Variants in TPRG1 observed in about 807,000 individuals in gnomAD.
TPRG1 encodes the protein tumor protein p63-regulated gene 1 protein.
In TPRG1, 29 loss-of-function variants were observed where a neutral mutation model predicts 29.3. That is an observed-to-expected ratio of 0.99 (90% CI 0.74 to 1.35). The LOEUF (loss-of-function observed/expected upper bound fraction) is 1.35, where lower values mean the gene tolerates loss of function less well. Ranked by LOEUF, TPRG1 falls within the 40% of genes most tolerant of loss-of-function variation. The pLI is 0.00. For missense variants in TPRG1, 327 were observed against 335.0 expected, an observed-to-expected ratio of 0.98 and a Z score of 0.19; for synonymous variants, 130 against 116.8, an observed-to-expected ratio of 1.11 and a Z score of -0.73.
intron 4 of TPRG1, among the ~76,000 whole-genome samples, chr3:189,039,211 G>A (rs1714476600): frequency 6.6e-6 from 1 of 152,222 alleles, no homozygotes; most frequent in Admixed American, 6.5e-5. Flanking sequence ...TGTTCAGAAA[G>A]AAATGGAGCA....
chr3:189,292,515 C>T (rs78985966), intron 4 of TPRG1, among the ~76,000 whole-genome samples: 13,475 of 151,998 alleles, frequency 0.089, 898 homozygotes, highest in African/African-American at 0.19. Flanking sequence ...TAACACACAG[C>T]TAATAGGGCT....
chr3:189,150,076 A>G (rs1300329853), intron 4 of TPRG1, among the ~76,000 whole-genome samples: 2 of 152,230 alleles, frequency 1.3e-5, no homozygotes, highest in Admixed American at 1.3e-4. Flanking sequence ...ATAACTAATG[A>G]GTTGGGGCTG....
intron 1 of TPRG1, among the ~76,000 whole-genome samples, chr3:188,999,697 T>TA (rs1711939590): frequency 6.6e-6 from 1 of 152,130 alleles, no homozygotes; most frequent in Non-Finnish European, 1.5e-5. Flanking sequence ...TTATATTTAT[T>TA]ACTTTTTTTA....
At chr3:189,301,503 A>C (rs1398906213) in intron 4 of TPRG1, among the ~76,000 whole-genome samples, 1 of 152,200 alleles carries the variant, frequency 6.6e-6, no homozygotes, top group Non-Finnish European at 1.5e-5. Flanking sequence ...CCTGCTACTC[A>C]GTGAAGTGGC....
intron 4 of TPRG1, among the ~76,000 whole-genome samples, chr3:189,026,326 T>C (rs1381108603): frequency 6.6e-6 from 1 of 152,160 alleles, no homozygotes; most frequent in African/African-American, 2.4e-5. Context: ...TATAAGGACA[T>C]CAGTCCTATC....
chr3:189,090,312 G>A (rs55946918), intron 4 of TPRG1, among the ~76,000 whole-genome samples: 14,085 of 152,018 alleles, frequency 0.093, 835 homozygotes, highest in African/African-American at 0.17. Flanking sequence ...AATGTTTGTC[G>A]TTAATTTCTA....
intron 2 of TPRG1, among the ~76,000 whole-genome samples, chr3:189,001,811 A>G (rs1712036084): frequency 6.6e-6 from 1 of 152,180 alleles, no homozygotes; most frequent in Non-Finnish European, 1.5e-5. Context: ...CCATGACTCA[A>G]GATAAGATGA....
In TPRG1 at chr3:189,238,875, G is replaced by A. The variant is rs1471459400; in HGVS notation, c.445G>A (p.Gly149Ser). The part of the protein sequence containing the change: ...PLSAVYRICL[G>S]KFTFPGMSLD... ...GAGCGCTGTCTATCGCATCTGCCTGGGCAAGTTCACCTTCCCTGGGATGTC... is the reference window on the plus strand; with the variant it reads ...GAGCGCTGTCTATCGCATCTGCCTGAGCAAGTTCACCTTCCCTGGGATGTC... The change falls in exon 4 of 6, where the codon GGC becomes AGC. Residue 149 changes from glycine (G) to serine (S), a missense_variant. Coordinates refer to ENST00000345063, the MANE Select transcript of TPRG1 (RefSeq NM_198485.4). The A allele has an allele frequency of 1.9e-6, 3 of 1,613,218 alleles. No homozygotes were observed. In the South Asian group the frequency reaches 3.3e-5, roughly 18 times the overall value.
At chr3:189,065,634 T>C (rs967565318) in intron 4 of TPRG1, among the ~76,000 whole-genome samples, 52 of 151,890 alleles carry the variant, frequency 3.4e-4, no homozygotes, top group Non-Finnish European at 1.5e-5. Context: ...GATAAAAACA[T>C]TTAGCAAGTT....
intron 2 of TPRG1, among the ~76,000 whole-genome samples, chr3:189,128,971 A>T (rs1181282434): frequency 6.6e-6 from 1 of 152,144 alleles, no homozygotes; most frequent in East Asian, 1.9e-4. Flanking sequence ...ATTTTGAGAT[A>T]ATTTTAGACT....
At chr3:189,079,721 C>A (rs1717457627) in intron 4 of TPRG1, among the ~76,000 whole-genome samples, 1 of 152,198 alleles carries the variant, frequency 6.6e-6, no homozygotes, top group African/African-American at 2.4e-5. Flanking sequence ...CATGCAATTA[C>A]TACAGTGAAA....
At chr3:189,068,512 C>G (rs1339180836) in intron 4 of TPRG1, among the ~76,000 whole-genome samples, 1 of 152,208 alleles carries the variant, frequency 6.6e-6, no homozygotes, top group African/African-American at 2.4e-5. Flanking sequence ...CGCAGTGGCT[C>G]ACGCCTGTAA....
intron 2 of TPRG1, among the ~76,000 whole-genome samples, chr3:189,210,746 G>A (rs544648918): frequency 5.8e-4 from 89 of 152,280 alleles, no homozygotes; most frequent in East Asian, 1.9e-4. Context: ...TCAATGTCAC[G>A]GTAGATAGTG....
chr3:189,312,872 A>G (rs983565502), intron 5 of TPRG1, among the ~76,000 whole-genome samples: 2 of 152,180 alleles, frequency 1.3e-5, no homozygotes, highest in Non-Finnish European at 2.9e-5. Context: ...ATTGATGTTC[A>G]TGTAGCTCTT....
intron 1 of TPRG1, among the ~76,000 whole-genome samples, chr3:188,997,598 T>C (rs1333159983): frequency 1.3e-4 from 20 of 152,172 alleles, no homozygotes; most frequent in Non-Finnish European, 1.0e-4. Flanking sequence ...TAGTTCTAGA[T>C]AAACTGAGAT....
chr3:189,075,144 A>AT (rs1295843058), intron 4 of TPRG1, among the ~76,000 whole-genome samples: 1 of 136,256 alleles, frequency 7.3e-6, no homozygotes, highest in Admixed American at 7.4e-5. Flanking sequence ...TATTTTTTTT[A>AT]TTTTTTGAGA....
chr3:189,310,328 A>G (rs1429447602), intron 4 of TPRG1, 58 bp from the exon 5 acceptor site: 2 of 1,197,928 alleles, frequency 1.7e-6, no homozygotes, highest in South Asian at 1.9e-5. Flanking sequence ...ATTACATTCT[A>G]TTTTTTTTTT....
At chr3:189,092,081 G>A (rs1718373085) in intron 4 of TPRG1, among the ~76,000 whole-genome samples, 1 of 152,150 alleles carries the variant, frequency 6.6e-6, no homozygotes, top group Non-Finnish European at 1.5e-5. Flanking sequence ...CACTAAAGAA[G>A]ACTAACACAA....
intron 3 of TPRG1, among the ~76,000 whole-genome samples, chr3:189,146,028 GGTA>G (rs1725216663): frequency 6.6e-6 from 1 of 152,118 alleles, no homozygotes; most frequent in South Asian, 2.1e-4. Flanking sequence ...GGCTAAAATT[GGTA>G]GTAGTTAAAA....
Sources: allele counts gnomAD v4.1 joint callset (sites outside exome capture counted in the v4.1 genomes callset), GRCh38; gene constraint gnomAD v4.1.1; transcripts MANE v1.5; gene names NCBI Gene and HGNC (gene_info 2026-07-23, HGNC 2026-07-21).